DELE1: variants seen among roughly 807,000 people sequenced by gnomAD.
The protein encoded by DELE1 is death ligand signal enhancer.
In DELE1, 54 loss-of-function variants were observed where a neutral mutation model predicts 59.3. The observed-to-expected ratio is 0.91, with a 90% CI of 0.73 to 1.14. The LOEUF (loss-of-function observed/expected upper bound fraction) is 1.14, where lower values mean the gene tolerates loss of function less well. Ranked by LOEUF, DELE1 falls within the 50% of genes most tolerant of loss-of-function variation. The probability of loss-of-function intolerance (pLI) is 0.00; values close to 1 mark genes in which losing one functional copy is unlikely to be tolerated. For missense variants in DELE1, 636 were observed against 643.9 expected (o/e 0.99, Z 0.13); for synonymous variants, 264 against 259.1 (o/e 1.02, Z -0.18).
rs552380971 is a variant in DELE1 at position 141,937,824 on chromosome 5, T to G, written c.1309+467T>G. ...CTTTTGGAGTCAAGACAAACCTGAG[T>G]TTTTTTTGTTTTTTTTTGAGATGAT... On this transcript the variant is annotated intron_variant, in intron 11 of 11. Coordinates refer to ENST00000432126, the MANE Select transcript of DELE1 (RefSeq NM_014773.5). Among the ~76,000 whole-genome samples the G allele has an allele frequency of 2.7e-5, 4 of 147,356 alleles. No homozygotes were observed. The East Asian group carries it at 8.0e-4, about 30-fold the overall frequency.
chr5:141,938,588 G>A lies in DELE1; in HGVS notation c.1377G>A (p.Leu459=), dbSNP rs1752551104. ...KSFSSPSLCS[L]NTLLAGTSRL... ...TCTCCAGCCCCTCCCTCTGCAGCTT[G>A]AACACCCTGCTAGCAGGAACCTCAC... is the stretch of plus-strand genomic sequence containing the variant. Residue 459 remains leucine (L), a synonymous_variant, in exon 12 of 12, where the codon TTG becomes TTA. Coordinates refer to ENST00000432126, the MANE Select transcript of DELE1 (RefSeq NM_014773.5). 1 of 1,613,964 alleles carries A rather than the reference G, an allele frequency of 6.2e-7. No homozygotes were observed. Among genetic ancestry groups the A allele is most frequent in the African/African-American group, 1.3e-5 (1 of 74,886 alleles).
rs906094290 is a variant in DELE1, at chr5:141,939,081, C to T, written c.*322C>T. 1.9e-6 allele frequency: 2 copies of T among 1,076,948 alleles called. No homozygotes were observed. The highest frequency in any genetic ancestry group is 2.3e-6 in the Non-Finnish European group (2 of 887,520). The allele number at this position is 1,076,948 out of a possible 1,614,324, so 66.7% of individuals were successfully genotyped here. On this transcript the variant is annotated 3_prime_UTR_variant, in exon 12 of 12. Coordinates refer to ENST00000432126, the MANE Select transcript of DELE1 (RefSeq NM_014773.5). ...CCTTTGTCTTTGAGCAAATAACTTA[C>T]CTTCTTCCTTCTTATGCCTGGGTTT...
rs576962369 is a variant in DELE1 at position 141,938,927 on chromosome 5, C to A, written c.*168C>A. The A allele has an allele frequency of 7.0e-6, 10 of 1,430,284 alleles. No homozygotes were observed. The highest frequency in any genetic ancestry group is 4.4e-5 in the South Asian group (3 of 67,614). The allele number at this position is 1,430,284 out of a possible 1,614,324, so 88.6% of individuals were successfully genotyped here. On this transcript the variant is annotated 3_prime_UTR_variant, in exon 12 of 12. Coordinates refer to ENST00000432126, the MANE Select transcript of DELE1 (RefSeq NM_014773.5). ...CTGGTAAGTGACTGATCTTTCCCCCCGCTTGGTAGCCTCACAGATGAGTCT... is the reference window on the plus strand; with the variant it reads ...CTGGTAAGTGACTGATCTTTCCCCCAGCTTGGTAGCCTCACAGATGAGTCT...
chr5:141,938,742 A>G lies in DELE1; in HGVS notation c.1531A>G (p.Arg511Gly), dbSNP rs778184352. 1.9e-6 allele frequency: 3 copies of G among 1,612,960 alleles called. No homozygotes were observed. Among genetic ancestry groups the G allele is most frequent in the Non-Finnish European group, 2.5e-6 (3 of 1,179,392 alleles). ...CTACCCACTGGAAAGGAGTGTTGTA[A>G]GACTAGGTTTTGGCTAAGGTGAGAT... ...HPYPLERSVVRLGFG is the reference protein window; with the variant it reads ...HPYPLERSVVGLGFG The change falls in exon 12 of 12, where the codon AGA becomes GGA. Residue 511 changes from arginine to glycine, a missense_variant. Physicochemically the swap from Arg to Gly is moderately radical, Grantham distance 125 (BLOSUM62 -2). Coordinates refer to ENST00000432126, the MANE Select transcript of DELE1 (RefSeq NM_014773.5).
At position 141,923,971 on chromosome 5, in the gene DELE1, A is replaced by C; in HGVS notation, c.30A>C (p.Arg10=). The C allele has an allele frequency of 3.1e-6, 5 of 1,609,840 alleles. No homozygotes were observed. Among genetic ancestry groups the C allele is most frequent in the Non-Finnish European group, 4.2e-6 (5 of 1,178,352 alleles). MWRLPGLLG[R]ALPRTLGPSL... is the part of the protein sequence containing the mutation. ...GGCGCCTCCCGGGACTCCTGGGCCG[A>C]GGTAAGGGACGTCCAAGCAACCAGC... The change falls in exon 1 of 12, where the codon CGA becomes CGC. Residue 10 remains arginine (R), a splice_region_variant and synonymous_variant. Coordinates refer to ENST00000432126, the MANE Select transcript of DELE1 (RefSeq NM_014773.5).
chr5:141,939,603 T>G lies in DELE1; in HGVS notation c.*844T>G, dbSNP rs1173303934. ...GGGAGCCTGTGGGTTCTCAGAGAGA[T>G]ATCACAATTTGAGTCCCAAAGAAGA... is the stretch of plus-strand genomic sequence containing the variant. On this transcript the variant is annotated 3_prime_UTR_variant, in exon 12 of 12. Coordinates refer to ENST00000432126, the MANE Select transcript of DELE1 (RefSeq NM_014773.5). The G allele has an allele frequency of 1.0e-6, 1 of 985,746 alleles. No individual in the cohort carries two copies. Among genetic ancestry groups the G allele is most frequent in the Non-Finnish European group, 1.2e-6 (1 of 829,962 alleles). The allele number at this position is 985,746 out of a possible 1,614,324, so 61.1% of individuals were successfully genotyped here.
Position 141,934,572 on chromosome 5 carries a change from G to C in DELE1, c.1135G>C (p.Ala379Pro). The change falls in exon 10 of 12, where the codon GCA (alanine) becomes CCA (proline). Residue 379 changes from alanine to proline, a missense_variant. Coordinates refer to ENST00000432126, the MANE Select transcript of DELE1 (RefSeq NM_014773.5). ...EQRAVKYLWLAANNGDSQSRY... is the reference protein window; with the variant it reads ...EQRAVKYLWLPANNGDSQSRY... ...GAGAGCTGTGAAATATCTTTGGCTT[G>C]CAGCCAACAATGGGGTATGCGATCT... 1 of 1,614,140 alleles carries C rather than the reference G, an allele frequency of 6.2e-7. No homozygotes were observed. The highest frequency in any genetic ancestry group is 8.5e-7 in the Non-Finnish European group (1 of 1,179,948).
Position 141,940,279 on chromosome 5 carries a change from GGA to G in DELE1, c.*1527_*1528del. On this transcript the variant is annotated 3_prime_UTR_variant, in exon 12 of 12. Coordinates refer to ENST00000432126, the MANE Select transcript of DELE1 (RefSeq NM_014773.5). Reference sequence around the variant, plus strand: ...TTAAAGGATCTTAAAAGCTTCTCCAGGAGAGAGACTTAGGAAAAAAAAAGATT... The same window carrying G: ...TTAAAGGATCTTAAAAGCTTCTCCAGGAGAGACTTAGGAAAAAAAAAGATT... The G allele has an allele frequency of 3.0e-6, 3 of 985,376 alleles. No individual in the cohort carries two copies. The highest frequency in any genetic ancestry group is 3.6e-6 in the Non-Finnish European group (3 of 829,924). The allele number at this position is 985,376 out of a possible 1,614,324, so 61.0% of individuals were successfully genotyped here.
intron 1 of DELE1, 25 bp downstream of exon 1, chr5:141,923,997 G>A (rs766772385): frequency 1.9e-6 from 3 of 1,605,766 alleles, no homozygotes; most frequent in Non-Finnish European, 1.7e-6. Context: ...AGCAACCAGC[G>A]TCACTCTGGG....
intron 4 of DELE1, among the ~76,000 whole-genome samples, chr5:141,928,874 G>A (rs1186732449): frequency 6.7e-6 from 1 of 149,482 alleles, no homozygotes; most frequent in Non-Finnish European, 1.5e-5. Flanking sequence ...CAAGGACTTA[G>A]GGCAGTGCCT....
Position 141,941,822 on chromosome 5 carries a change from T to C in DELE1, c.*3063T>C. The stretch of plus-strand genomic sequence containing the variant: ...ATACATTCAACAAATAAGTGAGTGA[T>C]TATACTCAACTCCCCCCACCCAATG... On this transcript the variant is annotated 3_prime_UTR_variant, in exon 12 of 12. Transcript: ENST00000432126. 7.1e-6 allele frequency: 7 copies of C among 985,358 alleles called. No individual in the cohort carries two copies. The highest frequency in any genetic ancestry group is 8.4e-6 in the Non-Finnish European group (7 of 829,898). The allele number at this position is 985,358 out of a possible 1,614,324, so 61.0% of individuals were successfully genotyped here.
In DELE1 at chr5:141,937,325, G is replaced by A. The variant is rs1446964616; in HGVS notation, c.1277G>A (p.Arg426Lys). The A allele has an allele frequency of 6.2e-7, 1 of 1,614,176 alleles. No homozygotes were observed. Among genetic ancestry groups the A allele is most frequent in the Non-Finnish European group, 8.5e-7 (1 of 1,180,036 alleles). The change falls in exon 11 of 12, where the codon AGG (arginine) becomes AAG (lysine). Residue 426 changes from arginine to lysine, a missense_variant. Transcript: ENST00000432126. ...AALGNEAAQERLRALFSMGAA... is the reference protein window; with the variant it reads ...AALGNEAAQEKLRALFSMGAA... ...CTGGGAAATGAGGCCGCCCAGGAGA[G>A]GCTGCGAGCCCTCTTTTCCATGGGG...
At chr5:141,933,899 G>GTC (rs767774912) in intron 8 of DELE1, 25 of 178,342 alleles carry the variant, frequency 1.4e-4, no homozygotes, top group Admixed American at 6.3e-4. Flanking sequence ...AGTGATCTAA[G>GTC]TCTCTCTCTC....
intron 10 of DELE1, 80 bp from the exon 11 acceptor site, chr5:141,937,118 T>G: frequency 6.3e-7 from 1 of 1,585,332 alleles, no homozygotes. Context: ...CATGCCTGAC[T>G]TCATCTTCCT....
rs1198851152 is a variant in DELE1, at chr5:141,938,994, T to G, written c.*235T>G. On this transcript the variant is annotated 3_prime_UTR_variant, in exon 12 of 12. Coordinates refer to ENST00000432126, the MANE Select transcript of DELE1 (RefSeq NM_014773.5). ...CATTTCTGGTCTGTGCACCAAAGGA[T>G]GCATTCAGTGACCTATGAAAAACCC... 2 of 1,348,888 alleles carry G rather than the reference T, an allele frequency of 1.5e-6. No individual in the cohort carries two copies. Among genetic ancestry groups the G allele is most frequent in the Non-Finnish European group, 1.9e-6 (2 of 1,051,356 alleles). 83.6% of individuals were successfully genotyped at this position (1,348,888 alleles called of 1,614,324 possible). A position where few individuals can be genotyped will look rare whatever the true frequency, so the allele number is the denominator to read the frequency against.
chr5:141,925,481 T>C lies in DELE1; in HGVS notation c.218T>C (p.Met73Thr), dbSNP rs548504684. The change falls in exon 3 of 12, where the codon ATG becomes ACG. Residue 73 changes from methionine to threonine, a missense_variant. Coordinates refer to ENST00000432126, the MANE Select transcript of DELE1 (RefSeq NM_014773.5). ...GGATGGAAGGATGCCTTCCAATGGA[T>C]GTCTTCCCGTGTCTCCCCGAACACC... ...SHGWKDAFQW[M>T]SSRVSPNTLW... 6.2e-7 allele frequency: 1 copy of C among 1,604,618 alleles called. No homozygotes were observed. The highest frequency in any genetic ancestry group is 2.3e-5 in the East Asian group (1 of 43,868).
Position 141,928,278 on chromosome 5 carries a change from C to A in DELE1, c.392C>A (p.Pro131His), listed in dbSNP as rs1038292358. 6.8e-6 allele frequency: 11 copies of A among 1,614,044 alleles called. No homozygotes were observed. The highest frequency in any genetic ancestry group is 9.3e-6 in the Non-Finnish European group (11 of 1,180,008). ...CCCCTGGACCGTTTCTTCTCATCTC[C>A]CTTGTGGCACCCATGCTCCTGTGAG... ...HSPLDRFFSS[P>H]LWHPCSSLRQ... Residue 131 changes from proline (P) to histidine (H), a missense_variant, in exon 4 of 12, where the codon CCC becomes CAC. Transcript: ENST00000432126.
intron 3 of DELE1, among the ~76,000 whole-genome samples, chr5:141,925,905 A>C (rs1751367572): frequency 6.6e-6 from 1 of 151,860 alleles, no homozygotes; most frequent in South Asian, 2.1e-4. Context: ...TCTGAGACAG[A>C]GTCTTTCTCT....
At chr5:141,932,079 G>A (rs1364004089) in intron 7 of DELE1, among the ~76,000 whole-genome samples, 1 of 152,152 alleles carries the variant, frequency 6.6e-6, no homozygotes, top group Admixed American at 6.5e-5. Context: ...TTAGTTTGTA[G>A]AAAAAGGCTT....
Sources: allele counts gnomAD v4.1 joint callset (sites outside exome capture counted in the v4.1 genomes callset), GRCh38; gene constraint gnomAD v4.1.1; transcripts MANE v1.5; gene names NCBI Gene and HGNC (gene_info 2026-07-23, HGNC 2026-07-21).